The following PMFBP1 variants were observed in gnomAD, a reference collection of about 807,000 sequenced individuals.
PMFBP1 encodes polyamine modulated factor 1 binding protein 1, also known as polyamine-modulated factor 1-binding protein 1.
Under a neutral mutation model 137.8 loss-of-function variants are expected in PMFBP1, and 131 were observed. That is an observed-to-expected ratio of 0.95 (90% CI 0.82 to 1.10). The LOEUF is 1.10. Among genes scored for constraint, PMFBP1 ranks in the 50% least tolerant of loss-of-function variants. The pLI is 0.00. For missense variants in PMFBP1, 1,199 were observed against 1,175.4 expected (o/e 1.02, Z -0.29); for synonymous variants, 490 against 450.4 (o/e 1.09, Z -1.11).
At chr16:72,191,143 A>C in the PMFBP1 span, among the ~76,000 whole-genome samples, 1 of 152,176 alleles carries the variant, frequency 6.6e-6, no homozygotes, top group Non-Finnish European at 1.5e-5. Flanking sequence ...AGGATTTCTC[A>C]TTGGGTCATC....
chr16:72,194,882 C>T, the PMFBP1 span, among the ~76,000 whole-genome samples: 1 of 152,218 alleles, frequency 6.6e-6, no homozygotes, highest in African/African-American at 2.4e-5. Context: ...AGGAGTTCCT[C>T]TTTCTGGCTT....
intron 3 of PMFBP1, among the ~76,000 whole-genome samples, chr16:72,161,562 T>C (rs1597488760): frequency 6.6e-6 from 1 of 152,100 alleles, no homozygotes; most frequent in African/African-American, 2.4e-5. Context: ...ACATTCACTT[T>C]AAAAAAAGTA....
chr16:72,215,956 A>G, the PMFBP1 span, among the ~76,000 whole-genome samples: 25 of 152,304 alleles, frequency 1.6e-4, no homozygotes, highest in African/African-American at 5.3e-4. Context: ...CTGTTCACCA[A>G]TCTCTCTCTT....
rs575295594 is a variant in PMFBP1, at chr16:72,143,719, G to C, written c.637-3137C>G. Among the ~76,000 whole-genome samples, 8 of 150,652 alleles carry C rather than the reference G, an allele frequency of 5.3e-5. No homozygotes were observed. In the South Asian group the frequency reaches 8.4e-4, roughly 16 times the overall value. On this transcript the variant is annotated intron_variant, in intron 5 of 20. Coordinates refer to ENST00000237353, the MANE Select transcript of PMFBP1 (RefSeq NM_031293.3). ...GATTGCCTCACTGCACTCTAGACTG[G>C]GTGACAGAGTGAGACTCCATCTCAG...
chr16:72,167,825 T>C (rs1377554406), intron 2 of PMFBP1, among the ~76,000 whole-genome samples: 1 of 152,232 alleles, frequency 6.6e-6, no homozygotes, highest in Non-Finnish European at 1.5e-5. Flanking sequence ...GACACCAGAT[T>C]GTTCCCCATG....
chr16:72,199,511 G>T, the PMFBP1 span, among the ~76,000 whole-genome samples: 1 of 151,932 alleles, frequency 6.6e-6, no homozygotes, highest in Admixed American at 6.6e-5. Flanking sequence ...AAAATTAGCT[G>T]GGCATGGTGG....
chr16:72,130,529 G>T lies in PMFBP1; in HGVS notation c.1637+4C>A, dbSNP rs1266937135. 1 of 1,613,904 alleles carries T rather than the reference G, an allele frequency of 6.2e-7. No individual in the cohort carries two copies. The highest frequency in any genetic ancestry group is 8.5e-7 in the Non-Finnish European group (1 of 1,179,942). On this transcript the variant is annotated splice_donor_region_variant and intron_variant, in intron 11 of 20. Coordinates refer to ENST00000237353, the MANE Select transcript of PMFBP1 (RefSeq NM_031293.3). ...TCTCTGGAGGGGAGCCTGAGCCTGG[G>T]CACCTGTTGGAGGTTTGTTCCTTCT...
the PMFBP1 span, among the ~76,000 whole-genome samples, chr16:72,215,680 AGTAGGTGAAACAT>A: frequency 6.6e-6 from 1 of 152,208 alleles, no homozygotes; most frequent in Non-Finnish European, 1.5e-5. Flanking sequence ...CAGTGAACAA[AGTAGGTGAAACAT>A]GTTGGCTAAT....
intron 14 of PMFBP1, among the ~76,000 whole-genome samples, chr16:72,128,122 T>C (rs769785310): frequency 7.9e-5 from 12 of 152,230 alleles, no homozygotes; most frequent in Non-Finnish European, 1.5e-4. Context: ...TCCATCTTTC[T>C]TTCCTCTATC....
At chr16:72,225,768 T>G in the PMFBP1 span, among the ~76,000 whole-genome samples, 1 of 150,376 alleles carries the variant, frequency 6.6e-6, no homozygotes, top group Admixed American at 6.6e-5. Context: ...CACAAAATCC[T>G]AGAAGCTCTT....
chr16:72,207,893 C>A, the PMFBP1 span, among the ~76,000 whole-genome samples: 1 of 152,008 alleles, frequency 6.6e-6, no homozygotes, highest in African/African-American at 2.4e-5. Context: ...AGTCCAAATA[C>A]CTGAGCATAG....
In PMFBP1 at chr16:72,136,593, A is replaced by G. The variant is rs768430581; in HGVS notation, c.1058T>C (p.Leu353Pro). The G allele has an allele frequency of 5.3e-5, 86 of 1,613,942 alleles. No homozygotes were observed. The highest frequency in any genetic ancestry group is 7.3e-5 in the Non-Finnish European group (86 of 1,180,012). Residue 353 changes from leucine (L) to proline (P), a missense_variant, in exon 9 of 21, where the codon CTG (leucine) becomes CCG (proline). Leu to Pro is a moderately conservative substitution (Grantham distance 98). Transcript: ENST00000237353. Reference sequence around the variant, plus strand: ...CCGCAGTCCGTGCAGGTCCAGCTCCAGCTTCATCATGTCTACCATGGGGCG... The same window carrying G: ...CCGCAGTCCGTGCAGGTCCAGCTCCGGCTTCATCATGTCTACCATGGGGCG... ...KRNIMKDMMK[L>P]ELDLHGLREE... is the part of the protein sequence containing the mutation.
intron 5 of PMFBP1, among the ~76,000 whole-genome samples, chr16:72,149,164 G>A (rs1482136857): frequency 6.6e-6 from 1 of 152,192 alleles, no homozygotes; most frequent in Non-Finnish European, 1.5e-5. Flanking sequence ...AACCCAACCT[G>A]TGACTATTAG....
chr16:72,238,609 G>A, the PMFBP1 span, among the ~76,000 whole-genome samples: 2 of 152,026 alleles, frequency 1.3e-5, no homozygotes, highest in African/African-American at 4.8e-5. Flanking sequence ...TATATATCTT[G>A]AGCTTTCAGA....
At position 72,130,690 on chromosome 16, in the gene PMFBP1, C is replaced by A. The variant is rs1242788788; in HGVS notation, c.1480G>T (p.Ala494Ser). 6.2e-7 allele frequency: 1 copy of A among 1,613,418 alleles called. No individual in the cohort carries two copies. The highest frequency in any genetic ancestry group is 8.5e-7 in the Non-Finnish European group (1 of 1,179,980). Residue 494 changes from alanine to serine, a missense_variant, in exon 11 of 21, where the codon GCA becomes TCA. By Grantham distance (99) the Ala-to-Ser change is moderately conservative (BLOSUM62 1). Coordinates refer to ENST00000237353, the MANE Select transcript of PMFBP1 (RefSeq NM_031293.3). ...QQAAQCKEEA[A>S]LAGCHLEDTQ... is the part of the protein sequence containing the mutation. ...TCCTCCAGGTGACAGCCTGCCAGTG[C>A]AGCCTCTTCTTTGCACTGGGCTGCT...
At chr16:72,154,632 C>A (rs1333412924) in intron 3 of PMFBP1, among the ~76,000 whole-genome samples, 173 bp from the exon 4 acceptor site, 3 of 151,994 alleles carry the variant, frequency 2.0e-5, no homozygotes, top group Non-Finnish European at 2.9e-5. Context: ...GGAAATGTAT[C>A]ACTTAGTATT....
rs751638953 is a variant in PMFBP1, at chr16:72,132,887, G to A, written c.1308C>T (p.Cys436=). 1.2e-6 allele frequency: 2 copies of A among 1,614,214 alleles called. No homozygotes were observed. The highest frequency in any genetic ancestry group is 2.2e-5 in the South Asian group (2 of 91,078). The change falls in exon 10 of 21, where the codon TGC becomes TGT. Residue 436 remains cysteine (C), a synonymous_variant. Transcript: ENST00000237353. Reference sequence around the variant, plus strand: ...CTGTCATTTCAAGTTCTGTGGCCATGCACTGCTGCTTCTCCAGCTCCTTCT... The same window carrying A: ...CTGTCATTTCAAGTTCTGTGGCCATACACTGCTGCTTCTCCAGCTCCTTCT... The part of the protein sequence containing the change: ...KKEKELEKQQ[C]MATELEMTVK...
At chr16:72,124,050 T>C (rs1339492341) in intron 17 of PMFBP1, among the ~76,000 whole-genome samples, 1 of 152,152 alleles carries the variant, frequency 6.6e-6, no homozygotes, top group African/African-American at 2.4e-5. Flanking sequence ...TGCTCTGTCA[T>C]TCAGGCTGGA....
At chr16:72,153,801 G>T (rs1485881997) in intron 4 of PMFBP1, among the ~76,000 whole-genome samples, 1 of 147,784 alleles carries the variant, frequency 6.8e-6, no homozygotes, top group Admixed American at 7.0e-5. Context: ...ATATTATCAA[G>T]ACCTTATTTT....
Sources: gnomAD v4.1 joint callset for allele counts (sites outside exome capture counted in the v4.1 genomes callset) on GRCh38, gnomAD v4.1.1 for gene constraint, MANE v1.5 for transcripts, NCBI Gene and HGNC (gene_info 2026-07-23, HGNC 2026-07-21) for gene names.